Variants in ZNF536 observed in about 807,000 individuals in gnomAD.
ZNF536 encodes the protein zinc finger protein 536.
Under a neutral mutation model 84.5 loss-of-function variants are expected in ZNF536, and 13 were observed. The observed-to-expected ratio is 0.15, with a 90% CI of 0.10 to 0.24. The LOEUF is 0.24. Among genes scored for constraint, ZNF536 ranks in the 10% least tolerant of loss-of-function variants. The pLI, the probability that ZNF536 is intolerant of heterozygous loss-of-function variation, is 1.00. For missense variants in ZNF536, 1,536 were observed against 1,747.5 expected (o/e 0.88, Z 2.16); for synonymous variants, 811 against 742.5 (o/e 1.09, Z -1.50).
At chr19:30,547,698 TTAGA>T (rs994233646) in intron 3 of ZNF536, among the ~76,000 whole-genome samples, 3 of 152,230 alleles carry the variant, frequency 2.0e-5, no homozygotes, top group African/African-American at 7.2e-5. Context: ...TTTTCACATG[TTAGA>T]TAAAGAAAAA....
At chr19:30,313,098 C>T (rs1017626631) in intron 2 of ZNF536, among the ~76,000 whole-genome samples, 13 of 152,220 alleles carry the variant, frequency 8.5e-5, no homozygotes, top group Admixed American at 5.2e-4. Flanking sequence ...GATGGCTTAG[C>T]GAGGTGACAA....
chr19:30,371,144 G>A (rs901909443), upstream of ZNF536, among the ~76,000 whole-genome samples: 7 of 152,276 alleles, frequency 4.6e-5, no homozygotes, highest in South Asian at 1.0e-3. Context: ...TCTAAATACC[G>A]AACCAGAACA....
chr19:30,517,102 A>G (rs1204958442), intron 2 of ZNF536, among the ~76,000 whole-genome samples: 1 of 152,098 alleles, frequency 6.6e-6, no homozygotes, highest in Non-Finnish European at 1.5e-5. Context: ...AATCTGACTC[A>G]GGTTCTGAGC....
At chr19:30,405,942 T>C (rs1173902139) in intron 1 of ZNF536, among the ~76,000 whole-genome samples, 1 of 152,050 alleles carries the variant, frequency 6.6e-6, no homozygotes, top group East Asian at 1.9e-4. Context: ...CACACCCAGA[T>C]AATTTTTGTA....
chr19:30,561,444 A>G (rs977440396), downstream of ZNF536, among the ~76,000 whole-genome samples: 4 of 152,156 alleles, frequency 2.6e-5, no homozygotes, highest in Admixed American at 2.6e-4. Context: ...TCAATCCCCT[A>G]AGACTTCCTT....
intron 2 of ZNF536, among the ~76,000 whole-genome samples, chr19:30,464,559 C>T (rs1394055770): frequency 6.6e-6 from 1 of 151,840 alleles, no homozygotes; most frequent in African/African-American, 2.4e-5. Flanking sequence ...CATGATTTTC[C>T]TGGAAATCAC....
At chr19:30,562,965 C>T (rs112446531), downstream of ZNF536, among the ~76,000 whole-genome samples, 648 of 152,278 alleles carry the variant, frequency 4.3e-3, 5 homozygotes, top group African/African-American at 0.015. Flanking sequence ...ATAGGCATTT[C>T]TTAATCCAAT....
At chr19:30,393,284 G>T (rs1404508739) in intron 1 of ZNF536, among the ~76,000 whole-genome samples, 1 of 152,148 alleles carries the variant, frequency 6.6e-6, no homozygotes, top group Non-Finnish European at 1.5e-5. Context: ...AGTCACTGAG[G>T]CTTGTTTGCT....
intron 1 of ZNF536, among the ~76,000 whole-genome samples, chr19:30,279,946 C>G (rs117833974): frequency 6.6e-6 from 1 of 152,188 alleles, no homozygotes; most frequent in East Asian, 1.9e-4. Flanking sequence ...CAGATGCCTC[C>G]GCAGACAGCC....
chr19:30,260,125 T>C (rs2025131567), intron 1 of ZNF536, among the ~76,000 whole-genome samples: 1 of 152,202 alleles, frequency 6.6e-6, no homozygotes, highest in South Asian at 2.1e-4. Flanking sequence ...TTCACAAGTT[T>C]ACCAGTTGAT....
At chr19:30,249,406 C>A (rs115979313) in intron 1 of ZNF536, among the ~76,000 whole-genome samples, 2 of 152,012 alleles carry the variant, frequency 1.3e-5, no homozygotes, top group African/African-American at 4.8e-5. Context: ...TATTTTAACA[C>A]GCCCTTGTGG....
intron 1 of ZNF536, among the ~76,000 whole-genome samples, chr19:30,422,742 TTC>T (rs1326543201): frequency 2.0e-5 from 3 of 151,872 alleles, no homozygotes; most frequent in African/African-American, 4.8e-5. Context: ...CTTTCTTCTT[TTC>T]TCTCTCTCTC....
intron 2 of ZNF536, among the ~76,000 whole-genome samples, chr19:30,513,814 G>A (rs1268911537): frequency 6.6e-6 from 1 of 152,214 alleles, no homozygotes; most frequent in African/African-American, 2.4e-5. Flanking sequence ...GGAAGACCAG[G>A]TGCTTGGGAT....
At chr19:30,672,759 T>C (rs1016298434) in intron 1 of ZNF536, among the ~76,000 whole-genome samples, 2 of 152,032 alleles carry the variant, frequency 1.3e-5, no homozygotes, top group Non-Finnish European at 2.9e-5. Flanking sequence ...GCACAGGCAG[T>C]TTTTTGGGAG....
intron 1 of ZNF536, among the ~76,000 whole-genome samples, chr19:30,429,373 A>G (rs1000303761): frequency 2.0e-5 from 3 of 152,046 alleles, no homozygotes; most frequent in African/African-American, 7.3e-5. Context: ...TCCTGACACT[A>G]TGCAAGGATC....
At chr19:30,336,794 G>A (rs535714929) in intron 2 of ZNF536, among the ~76,000 whole-genome samples, 31 of 152,322 alleles carry the variant, frequency 2.0e-4, no homozygotes, top group South Asian at 1.2e-3. Context: ...TTATTTTAAG[G>A]TGGTGGTTTT....
At chr19:30,312,769 G>C (rs112939030) in intron 2 of ZNF536, among the ~76,000 whole-genome samples, 2 of 152,164 alleles carry the variant, frequency 1.3e-5, no homozygotes, top group Non-Finnish European at 2.9e-5. Flanking sequence ...TATGGTCTTC[G>C]GACTGTGCCT....
chr19:30,240,445 A>C (rs918275017), intron 1 of ZNF536, among the ~76,000 whole-genome samples: 3 of 151,798 alleles, frequency 2.0e-5, no homozygotes, highest in Non-Finnish European at 4.4e-5. Context: ...AGGGGACTGT[A>C]TCTCTTCAAG....
intron 4 of ZNF536, among the ~76,000 whole-genome samples, chr19:30,553,358 G>A (rs1200825955): frequency 2.0e-5 from 3 of 152,210 alleles, no homozygotes; most frequent in Admixed American, 1.3e-4. Flanking sequence ...CACCCATGGG[G>A]CCCACTGCAT....
Sources: gnomAD v4.1 joint callset for allele counts (sites outside exome capture counted in the v4.1 genomes callset) on GRCh38, gnomAD v4.1.1 for gene constraint, MANE v1.5 for transcripts, NCBI Gene and HGNC (gene_info 2026-07-23, HGNC 2026-07-21) for gene names.